The following KCNQ1 variants were observed in gnomAD, a reference collection of about 807,000 sequenced individuals.
The protein encoded by KCNQ1 is potassium voltage-gated channel subfamily KQT member 1.
In KCNQ1, 49 loss-of-function variants were observed where a neutral mutation model predicts 72.4. The ratio of observed to expected loss-of-function variants is 0.68; its 90% CI spans 0.54 to 0.86. The LOEUF (loss-of-function observed/expected upper bound fraction) is 0.86. Among genes scored for constraint, KCNQ1 ranks in the 40% least tolerant of loss-of-function variants. The pLI is 0.00. For synonymous variants in KCNQ1, 450 were observed against 412.6 expected, an observed-to-expected ratio of 1.09 and a Z score of -1.10; for missense variants, 790 against 945.1, an observed-to-expected ratio of 0.84 and a Z score of 2.15.
At chr11:2,606,370 T>TG (rs919326232) in intron 10 of KCNQ1, among the ~76,000 whole-genome samples, 9 of 152,080 alleles carry the variant, frequency 5.9e-5, no homozygotes, top group African/African-American at 1.7e-4. Context: ...TGGGGTCTGG[T>TG]GGGGGGTGTC....
At position 2,645,853 on chromosome 11, in the gene KCNQ1, T is replaced by C; in HGVS notation, c.1394-16108T>C. 1 of 398,628 alleles carries C rather than the reference T, an allele frequency of 2.5e-6. No individual in the cohort carries two copies. The highest frequency in any genetic ancestry group is 4.4e-6 in the Non-Finnish European group (1 of 226,100). 24.7% of individuals were successfully genotyped at this position (398,628 alleles called of 1,614,324 possible). A position where few individuals can be genotyped will look rare whatever the true frequency, so the allele number is the denominator to read the frequency against. On this transcript the variant is annotated intron_variant, in intron 10 of 15. Transcript: ENST00000155840. The surrounding 1 kb of genome is among the most constrained non-coding windows in gnomAD (Gnocchi z 5.8). ...GTTGCCTGAGGATTCAGGGGATGTGTGAATTGCCTGAGGATTCAGGGTGAT... is the reference window on the plus strand; with the variant it reads ...GTTGCCTGAGGATTCAGGGGATGTGCGAATTGCCTGAGGATTCAGGGTGAT...
At chr11:2,732,616 G>T (rs371236498) in intron 11 of KCNQ1, among the ~76,000 whole-genome samples, 2 of 152,346 alleles carry the variant, frequency 1.3e-5, no homozygotes, top group Non-Finnish European at 2.9e-5. Context: ...GACGGGGCCC[G>T]AGGGCCGTCT....
chr11:2,755,332 C>G (rs1490916656), intron 11 of KCNQ1, among the ~76,000 whole-genome samples: 1 of 152,168 alleles, frequency 6.6e-6, no homozygotes, highest in African/African-American at 2.4e-5. Flanking sequence ...TTTACTGTAA[C>G]CTTGAACTCC....
rs1435433950 is a variant in KCNQ1 at position 2,654,006 on chromosome 11, A to T, written c.1394-7955A>T. ...TAAGCGGAACTGGGTGCCAGCTGTG[A>T]ATATACATTTTCACTCCATTCCTCG... On this transcript the variant is annotated intron_variant, in intron 10 of 15. Coordinates refer to ENST00000155840, the MANE Select transcript of KCNQ1 (RefSeq NM_000218.3). This position sits in a 1 kb window ranked among gnomAD's most constrained non-coding sequence, Gnocchi z 6.4. 3 of 398,560 alleles carry T rather than the reference A, an allele frequency of 7.5e-6. No individual in the cohort carries two copies. In the Admixed American group the frequency reaches 1.3e-4, roughly 18 times the overall value. The allele number at this position is 398,560 out of a possible 1,614,324, so 24.7% of individuals were successfully genotyped here. A position where few individuals can be genotyped will look rare whatever the true frequency, so the allele number is the denominator to read the frequency against.
intron 11 of KCNQ1, among the ~76,000 whole-genome samples, chr11:2,731,860 C>T (rs1291653431): frequency 6.6e-6 from 1 of 152,258 alleles, no homozygotes; most frequent in East Asian, 1.9e-4. Context: ...ACTGCAGCGG[C>T]TGCTCACAGC....
chr11:2,652,462 C>T lies in KCNQ1; in HGVS notation c.1394-9499C>T. 2.5e-6 allele frequency: 1 copy of T among 398,588 alleles called. No individual in the cohort carries two copies. The highest frequency in any genetic ancestry group is 4.4e-6 in the Non-Finnish European group (1 of 226,060). 24.7% of individuals were successfully genotyped at this position (398,588 alleles called of 1,614,324 possible). ...CTTTTTTGTTTTCTCCATCCAAAGA[C>T]CTCCAGAAACTTTCCTCCCCACCTC... On this transcript the variant is annotated intron_variant, in intron 10 of 15. Coordinates refer to ENST00000155840, the MANE Select transcript of KCNQ1 (RefSeq NM_000218.3). This position sits in a 1 kb window ranked among gnomAD's most constrained non-coding sequence, Gnocchi z 5.9.
intron 11 of KCNQ1, among the ~76,000 whole-genome samples, chr11:2,747,545 G>T (rs551109777): frequency 2.6e-4 from 40 of 152,210 alleles, no homozygotes; most frequent in Non-Finnish European, 5.0e-4. Flanking sequence ...CATCCACCGT[G>T]TGCCAGTCAC....
chr11:2,512,624 C>G (rs1220606178), intron 1 of KCNQ1, among the ~76,000 whole-genome samples: 1 of 152,226 alleles, frequency 6.6e-6, no homozygotes, highest in Non-Finnish European at 1.5e-5. Flanking sequence ...CCGCCTCTTG[C>G]TCTCTGAGCA....
intron 10 of KCNQ1, chr11:2,648,697 G>T (rs964054376): frequency 5.0e-6 from 2 of 398,410 alleles, no homozygotes; most frequent in Non-Finnish European, 8.8e-6. Context: ...CTAACATATG[G>T]TATATCCTGG....
In KCNQ1 at chr11:2,579,296, C is replaced by T. The variant is rs1848464271; in HGVS notation, c.922-4139C>T. 6.6e-6 allele frequency among the ~76,000 whole-genome samples: 1 copy of T among 152,216 alleles called. No individual in the cohort carries two copies. The highest frequency in any genetic ancestry group is 2.1e-4 in the South Asian group (1 of 4,834). ...GCTCCCCATGCCTCCCGCCCCTTCA[C>T]ATGGGAGTGAAGGCACAGGCCAGCA... On this transcript the variant is annotated intron_variant, in intron 6 of 15. Transcript: ENST00000155840. This position sits in a 1 kb window ranked among gnomAD's most constrained non-coding sequence, Gnocchi z 6.0.
At position 2,617,808 on chromosome 11, in the gene KCNQ1, A is replaced by G; in HGVS notation, c.1393+28954A>G. 1 of 398,498 alleles carries G rather than the reference A, an allele frequency of 2.5e-6. No individual in the cohort carries two copies. The highest frequency in any genetic ancestry group is 4.4e-6 in the Non-Finnish European group (1 of 225,988). 24.7% of individuals were successfully genotyped at this position (398,498 alleles called of 1,614,324 possible). On this transcript the variant is annotated intron_variant, in intron 10 of 15. Coordinates refer to ENST00000155840, the MANE Select transcript of KCNQ1 (RefSeq NM_000218.3). The surrounding 1 kb of genome is among the most constrained non-coding windows in gnomAD (Gnocchi z 4.6). ...AGTGATGTTAAATGTCTTTTCATAT[A>G]TGTGTTTGCCATTTTTATAACTTCT... is the stretch of plus-strand genomic sequence containing the variant.
intron 1 of KCNQ1, among the ~76,000 whole-genome samples, chr11:2,510,303 A>G (rs1847178160): frequency 6.6e-6 from 1 of 151,690 alleles, no homozygotes; most frequent in South Asian, 2.1e-4. Context: ...TTTTAAATAA[A>G]TAAATAAAGG....
At chr11:2,582,247 A>C (rs1589964500) in intron 6 of KCNQ1, among the ~76,000 whole-genome samples, 2 of 151,816 alleles carry the variant, frequency 1.3e-5, no homozygotes, top group African/African-American at 2.4e-5. Context: ...GCGCCTGTGC[A>C]CCCCTGCCCG....
In KCNQ1 at chr11:2,719,046, G is replaced by A. The variant is rs551316917; in HGVS notation, c.1515-49798G>A. On this transcript the variant is annotated intron_variant, in intron 11 of 15. Transcript: ENST00000155840. ...CATCTACGCTTGTGACCCCCCTCCCGCCCCTGAGTGTGTGCTGGGGCAGGA... is the reference window on the plus strand; with the variant it reads ...CATCTACGCTTGTGACCCCCCTCCCACCCCTGAGTGTGTGCTGGGGCAGGA... 7.2e-5 allele frequency among the ~76,000 whole-genome samples: 11 copies of A among 152,274 alleles called. No homozygotes were observed. In the South Asian group the frequency reaches 1.2e-3, roughly 17 times the overall value.
intron 11 of KCNQ1, among the ~76,000 whole-genome samples, chr11:2,716,972 C>T (rs1372600727): frequency 6.6e-6 from 1 of 152,218 alleles, no homozygotes; most frequent in African/African-American, 2.4e-5. Flanking sequence ...TCAGTGGTGC[C>T]TGTGGAGCTG....
chr11:2,624,849 T>C lies in KCNQ1; in HGVS notation c.1393+35995T>C. On this transcript the variant is annotated intron_variant, in intron 10 of 15. Coordinates refer to ENST00000155840, the MANE Select transcript of KCNQ1 (RefSeq NM_000218.3). This position sits in a 1 kb window ranked among gnomAD's most constrained non-coding sequence, Gnocchi z 4.9. ...TGGAAACATACAGTACTTCTCTTCT[T>C]GTGACTGCTGTATTTCATTTAACAT... 2.5e-6 allele frequency: 1 copy of C among 398,612 alleles called. No individual in the cohort carries two copies. The highest frequency in any genetic ancestry group is 3.6e-5 in the East Asian group (1 of 28,066). The allele number at this position is 398,612 out of a possible 1,614,324, so 24.7% of individuals were successfully genotyped here.
chr11:2,669,014 G>A lies in KCNQ1; in HGVS notation c.1514+6933G>A. Reference sequence around the variant, plus strand: ...TCAAGGTCCACTCTTCCCCTACTTGGATATCCAGTCTAGCTCAGCACCCGG... The same window carrying A: ...TCAAGGTCCACTCTTCCCCTACTTGAATATCCAGTCTAGCTCAGCACCCGG... On this transcript the variant is annotated intron_variant, in intron 11 of 15. Coordinates refer to ENST00000155840, the MANE Select transcript of KCNQ1 (RefSeq NM_000218.3). This position sits in a 1 kb window ranked among gnomAD's most constrained non-coding sequence, Gnocchi z 5.6. 2.5e-6 allele frequency: 1 copy of A among 398,602 alleles called. No individual in the cohort carries two copies. Among genetic ancestry groups the A allele is most frequent in the Non-Finnish European group, 4.4e-6 (1 of 226,088 alleles). 24.7% of individuals were successfully genotyped at this position (398,602 alleles called of 1,614,324 possible).
In KCNQ1 at chr11:2,598,270, TTG is replaced by T. The variant is rs1313757524; in HGVS notation, c.1393+9420_1393+9421del. 1.5e-4 allele frequency among the ~76,000 whole-genome samples: 23 copies of T among 152,294 alleles called. No individual in the cohort carries two copies. The South Asian group carries it at 2.3e-3, about 15-fold the overall frequency. ...CATTGCTTTCTTGATAGTTTTAATTTTGTGTTTTGATTTTTCTCTTTAGAGTT... is the reference window on the plus strand; with the variant it reads ...CATTGCTTTCTTGATAGTTTTAATTTTGTTTTGATTTTTCTCTTTAGAGTT... On this transcript the variant is annotated intron_variant, in intron 10 of 15. Coordinates refer to ENST00000155840, the MANE Select transcript of KCNQ1 (RefSeq NM_000218.3). The surrounding 1 kb of genome is among the most constrained non-coding windows in gnomAD (Gnocchi z 6.2).
At chr11:2,583,399 C>T in intron 6 of KCNQ1, 36 bp from the exon 7 acceptor site, 3 of 1,473,150 alleles carry the variant, frequency 2.0e-6, no homozygotes, top group Non-Finnish European at 2.9e-6. Flanking sequence ...AGGCTCCAGT[C>T]CCATCCGTGG....
Sources: allele counts gnomAD v4.1 joint callset (sites outside exome capture counted in the v4.1 genomes callset), GRCh38; gene constraint gnomAD v4.1.1; non-coding constraint Gnocchi (gnomAD v3.1); transcripts MANE v1.5; gene names NCBI Gene and HGNC (gene_info 2026-07-23, HGNC 2026-07-21).